Variants in SBK2 observed in about 807,000 individuals in gnomAD.
SBK2 encodes the protein serine/threonine-protein kinase SBK2.
Under a neutral mutation model 15.9 loss-of-function variants are expected in SBK2, and 18 were observed. The observed-to-expected ratio is 1.13, with a 90% CI of 0.78 to 1.68. SBK2 has a LOEUF of 1.68. Ranked by LOEUF, SBK2 falls within the 40% of genes most tolerant of loss-of-function variation. SBK2 has a pLI of 0.00. For missense variants in SBK2, 581 were observed against 510.9 expected (o/e 1.14, Z -1.32); for synonymous variants, 284 against 246.8 (o/e 1.15, Z -1.41).
intron 2 of SBK2, among the ~76,000 whole-genome samples, chr19:55,533,589 C>G (rs75729413): frequency 0.74 from 51,148 of 69,424 alleles, 19,212 homozygotes; most frequent in Middle Eastern, 0.78. Context: ...GGAGGCGGAG[C>G]TTGCAGTGAG....
chr19:55,532,040 G>A (rs1444008592), intron 2 of SBK2, among the ~76,000 whole-genome samples: 1 of 152,200 alleles, frequency 6.6e-6, no homozygotes, highest in East Asian at 1.9e-4. Flanking sequence ...ATAACAGTAC[G>A]TGGTGAATTT....
intron 2 of SBK2, among the ~76,000 whole-genome samples, chr19:55,534,703 T>TTA (rs1988351219): frequency 2.2e-4 from 2 of 9,108 alleles, no homozygotes; most frequent in Non-Finnish European, 4.3e-4. Context: ...AGACCCTGTC[T>TTA]CAAAAAAAAA....
rs1213030020 is a variant in SBK2, at chr19:55,530,305, C to A, written c.475G>T (p.Ala159Ser). ...AGCTGGGCGGCGCAGCGGTGCACCG[C>A]GGGCTGCGGGAGGCCCACCTGCGGG... ...IQPKVGLPQPAVHRCAAQLAS... is the reference protein window; with the variant it reads ...IQPKVGLPQPSVHRCAAQLAS... Residue 159 changes from alanine to serine, a missense_variant, in exon 4 of 4, where the codon GCG becomes TCG. Ala to Ser is a moderately conservative substitution (Grantham distance 99). Transcript: ENST00000413299. 6 of 1,417,300 alleles carry A rather than the reference C, an allele frequency of 4.2e-6. No individual in the cohort carries two copies. The highest frequency in any genetic ancestry group is 4.6e-6 in the Non-Finnish European group (5 of 1,086,152). 87.8% of individuals were successfully genotyped at this position (1,417,300 alleles called of 1,614,324 possible). A position where few individuals can be genotyped will look rare whatever the true frequency, so the allele number is the denominator to read the frequency against.
chr19:55,533,882 G>A (rs752700907), intron 2 of SBK2, among the ~76,000 whole-genome samples: 26 of 152,006 alleles, frequency 1.7e-4, no homozygotes, highest in Non-Finnish European at 3.1e-4. Flanking sequence ...TAACGACAGT[G>A]ACATGTTCAG....
In SBK2 at chr19:55,531,334, C is replaced by G. The variant is rs746705420; in HGVS notation, c.265G>C (p.Ala89Pro). 5 of 1,605,636 alleles carry G rather than the reference C, an allele frequency of 3.1e-6. No individual in the cohort carries two copies. The highest frequency in any genetic ancestry group is 4.3e-6 in the Non-Finnish European group (5 of 1,176,450). Residue 89 changes from alanine (A) to proline (P), a missense_variant, in exon 3 of 4, where the codon GCA becomes CCA. Coordinates refer to ENST00000413299, the MANE Select transcript of SBK2 (RefSeq NM_001370096.2). ...CGGGGTTTCGGGAGCTGCTTCAGTG[C>G]CAGGGGTGTGCCTGGGGCAGCAGGG... ...VTHRQKGTPL[A>P]LKQLPKPRTS...
At chr19:55,532,091 G>A (rs181998485) in intron 2 of SBK2, among the ~76,000 whole-genome samples, 1 of 152,236 alleles carries the variant, frequency 6.6e-6, no homozygotes, top group East Asian at 1.9e-4. Context: ...TGGAGATGGA[G>A]GGATACCATG....
At chr19:55,536,827 C>T (rs943956250) in intron 1 of SBK2, among the ~76,000 whole-genome samples, 3 of 147,402 alleles carry the variant, frequency 2.0e-5, no homozygotes, top group Non-Finnish European at 3.0e-5. Context: ...GGGGTCCAGG[C>T]CCCCAGCCCA....
Position 55,529,963 on chromosome 19 carries a change from A to T in SBK2, c.817T>A (p.Phe273Ile), listed in dbSNP as rs1423012949. ...WDRPLAEADPFYEDFLIWQAS... is the reference protein window; with the variant it reads ...WDRPLAEADPIYEDFLIWQAS... ...TGCCAGATGAGGAAGTCCTCGTAGA[A>T]GGGGTCGGCCTCGGCCAGGGGCCGG... Residue 273 changes from phenylalanine to isoleucine, a missense_variant, in exon 4 of 4, where the codon TTC becomes ATC. Physicochemically the swap from Phe to Ile is conservative, Grantham distance 21. Coordinates refer to ENST00000413299, the MANE Select transcript of SBK2 (RefSeq NM_001370096.2). 2 of 1,532,032 alleles carry T rather than the reference A, an allele frequency of 1.3e-6. No individual in the cohort carries two copies. The highest frequency in any genetic ancestry group is 4.3e-5 in the Admixed American group (2 of 46,960). 94.9% of individuals were successfully genotyped at this position (1,532,032 alleles called of 1,614,324 possible).
chr19:55,530,546 T>G (rs185458384), intron 3 of SBK2, among the ~76,000 whole-genome samples: 2 of 24,720 alleles, frequency 8.1e-5, no homozygotes, highest in Admixed American at 4.0e-4. Context: ...TGGGGCCTAG[T>G]GTGACCTGTG....
chr19:55,531,699 C>T (rs982404001), intron 2 of SBK2, among the ~76,000 whole-genome samples: 2 of 152,280 alleles, frequency 1.3e-5, no homozygotes, highest in East Asian at 1.9e-4. Context: ...TTAAAAAGGC[C>T]GGGCACTGTG....
At chr19:55,535,068 A>C (rs987577979) in intron 2 of SBK2, among the ~76,000 whole-genome samples, 1 of 152,088 alleles carries the variant, frequency 6.6e-6, no homozygotes, top group Non-Finnish European at 1.5e-5. Flanking sequence ...CTGTTGTGGA[A>C]GCGCCTGCCT....
chr19:55,530,484 C>T (rs62127063), intron 3 of SBK2, among the ~76,000 whole-genome samples, 161 bp from the exon 4 acceptor site: 1,112 of 9,818 alleles, frequency 0.11, 133 homozygotes, highest in Non-Finnish European at 0.35. Context: ...TTTAGTGTGG[C>T]CTAGGGTGAC....
intron 2 of SBK2, among the ~76,000 whole-genome samples, chr19:55,535,800 C>T (rs1988381696): frequency 6.6e-6 from 1 of 152,198 alleles, no homozygotes; most frequent in South Asian, 2.1e-4. Flanking sequence ...AGGAGGAACA[C>T]TTGAACCTGG....
At chr19:55,534,704 CAA>C (rs35461460) in intron 2 of SBK2, among the ~76,000 whole-genome samples, 2 of 82,582 alleles carry the variant, frequency 2.4e-5, no homozygotes, top group Non-Finnish European at 2.1e-5. Flanking sequence ...GACCCTGTCT[CAA>C]AAAAAAAAAA....
rs375063636 is a variant in SBK2 at position 55,531,234 on chromosome 19, G to A, written c.365C>T (p.Ala122Val). Reference protein sequence around the residue: ...SLGAHSAIVTAYGIGIESAHS... With the variant: ...SLGAHSAIVTVYGIGIESAHS... ...TGCCGACTCGATGCCAATGCCGTAG[G>A]CCGTCACGATGGCTGAGTGCGCGCC... Residue 122 changes from alanine (A) to valine (V), a missense_variant, in exon 3 of 4, where the codon GCC (alanine) becomes GTC (valine). Transcript: ENST00000413299. The A allele has an allele frequency of 1.7e-5, 28 of 1,613,736 alleles. No homozygotes were observed. The African/African-American group carries it at 2.4e-4, about 14-fold the overall frequency.
chr19:55,533,602 G>C (rs1235323195), intron 2 of SBK2, among the ~76,000 whole-genome samples: 1 of 47,566 alleles, frequency 2.1e-5, no homozygotes, highest in East Asian at 4.5e-4. Context: ...GCAGTGAGCT[G>C]AGATTGCGCC....
In SBK2 at chr19:55,529,966, G is replaced by C; in HGVS notation, c.814C>G (p.Pro272Ala). The change falls in exon 4 of 4, where the codon CCC becomes GCC. Residue 272 changes from proline to alanine, a missense_variant. Coordinates refer to ENST00000413299, the MANE Select transcript of SBK2 (RefSeq NM_001370096.2). The part of the protein sequence containing the change: ...PWDRPLAEAD[P>A]FYEDFLIWQA... Reference sequence around the variant, plus strand: ...CAGATGAGGAAGTCCTCGTAGAAGGGGTCGGCCTCGGCCAGGGGCCGGTCC... The same window carrying C: ...CAGATGAGGAAGTCCTCGTAGAAGGCGTCGGCCTCGGCCAGGGGCCGGTCC... 1.3e-6 allele frequency: 2 copies of C among 1,529,422 alleles called. No homozygotes were observed. Among genetic ancestry groups the C allele is most frequent in the South Asian group, 1.2e-5 (1 of 82,234 alleles). The allele number at this position is 1,529,422 out of a possible 1,614,324, so 94.7% of individuals were successfully genotyped here.
chr19:55,528,799 T>A lies in SBK2; in HGVS notation c.*934A>T, dbSNP rs1238325630. 6.6e-6 allele frequency among the ~76,000 whole-genome samples: 1 copy of A among 152,178 alleles called. No individual in the cohort carries two copies. Among genetic ancestry groups the A allele is most frequent in the Non-Finnish European group, 1.5e-5 (1 of 68,034 alleles). The stretch of plus-strand genomic sequence containing the variant: ...GCTAATTTATTTAACAGACATTTCC[T>A]GATCCCTGCTGCAGGCCATCGCTGA... On this transcript the variant is annotated 3_prime_UTR_variant, in exon 4 of 4. Coordinates refer to ENST00000413299, the MANE Select transcript of SBK2 (RefSeq NM_001370096.2).
intron 3 of SBK2, 41 bp from the exon 4 acceptor site, chr19:55,530,364 G>A (rs1294588836): frequency 2.9e-6 from 4 of 1,392,892 alleles, no homozygotes; most frequent in East Asian, 5.6e-5. Context: ...CCGGGGCCAC[G>A]GAAGGCAACC....
Sources: allele counts gnomAD v4.1 joint callset (sites outside exome capture counted in the v4.1 genomes callset), GRCh38; gene constraint gnomAD v4.1.1; transcripts MANE v1.5; gene names NCBI Gene and HGNC (gene_info 2026-07-23, HGNC 2026-07-21).